The following APP variants were observed in gnomAD, a reference collection of about 807,000 sequenced individuals.
APP encodes amyloid-beta precursor protein.
Under a neutral mutation model 101.4 loss-of-function variants are expected in APP, and 31 were observed. That is an observed-to-expected ratio of 0.31 (90% CI 0.23 to 0.41). The LOEUF is 0.41. Ranked by LOEUF, APP falls within the 10% of genes least tolerant of loss-of-function variation. APP has a pLI of 1.00. For missense variants in APP, 839 were observed against 1,003.7 expected (o/e 0.84, Z 2.22); for synonymous variants, 366 against 364.4 (o/e 1.00, Z -0.05).
intron 6 of APP, among the ~76,000 whole-genome samples, chr21:26,019,942 C>T (rs946121178): frequency 3.9e-5 from 6 of 152,096 alleles, no homozygotes; most frequent in South Asian, 2.1e-4. Flanking sequence ...AAACAAAATG[C>T]GCATTTACTA....
intron 14 of APP, among the ~76,000 whole-genome samples, chr21:25,909,485 A>T (rs1275652083): frequency 6.6e-6 from 1 of 152,172 alleles, no homozygotes. Flanking sequence ...AGACCTAGGC[A>T]ATGTAATAGC....
rs2146189858 is a variant in APP, at chr21:25,880,928, G to A, written c.*742C>T. On this transcript the variant is annotated 3_prime_UTR_variant, in exon 18 of 18. Coordinates refer to ENST00000346798, the MANE Select transcript of APP (RefSeq NM_000484.4). Reference sequence around the variant, plus strand: ...AATTCTTGGTAATTGAAGACCAGCAGAGCACCCCTCCCCACCCGCCCCGTA... The same window carrying A: ...AATTCTTGGTAATTGAAGACCAGCAAAGCACCCCTCCCCACCCGCCCCGTA... 1 of 152,762 alleles carries A rather than the reference G, an allele frequency of 6.5e-6. No homozygotes were observed. The highest frequency in any genetic ancestry group is 3.4e-3 in the Middle Eastern group (1 of 292). The allele number at this position is 152,762 out of a possible 1,614,324, so 9.5% of individuals were successfully genotyped here. A position where few individuals can be genotyped will look rare whatever the true frequency, so the allele number is the denominator to read the frequency against.
intron 13 of APP, chr21:25,933,692 T>TG (rs1168360164): frequency 5.3e-5 from 8 of 152,212 alleles, no homozygotes; most frequent in African/African-American, 1.9e-4. Context: ...TAATTAACCC[T>TG]GGCTAATTAA....
rs765122111 is a variant in APP at position 26,026,338 on chromosome 21, G to GT, written c.663-4297dup. Among the ~76,000 whole-genome samples the GT allele has an allele frequency of 5.5e-4, 83 of 152,238 alleles. No homozygotes were observed. The Middle Eastern group carries it at 0.014, about 25-fold the overall frequency. The stretch of plus-strand genomic sequence containing the variant: ...TCTGAAAATGCTGACCATCCCCAGA[G>GT]TATCTGAATTTAATAAGGTCAAAGG... On this transcript the variant is annotated intron_variant, in intron 5 of 17. Transcript: ENST00000346798.
chr21:26,001,119 A>T (rs936050943), intron 6 of APP, among the ~76,000 whole-genome samples: 16 of 152,210 alleles, frequency 1.1e-4, no homozygotes, highest in Non-Finnish European at 1.8e-4. Context: ...CCAAACAATA[A>T]AACGCAGTCA....
At chr21:25,966,409 A>C (rs2041799061) in intron 11 of APP, among the ~76,000 whole-genome samples, 1 of 152,208 alleles carries the variant, frequency 6.6e-6, no homozygotes, top group African/African-American at 2.4e-5. Context: ...TAAATAATAA[A>C]TATGTAAGTA....
chr21:26,112,173 T>C (rs1377599463), intron 1 of APP, 27 bp from the exon 2 acceptor site: 5 of 1,611,692 alleles, frequency 3.1e-6, no homozygotes, highest in Admixed American at 3.3e-5. Flanking sequence ...CAGTTAGTTA[T>C]AGTATCCATA....
At chr21:26,062,934 T>C (rs2046329030) in intron 3 of APP, among the ~76,000 whole-genome samples, 1 of 152,014 alleles carries the variant, frequency 6.6e-6, no homozygotes, top group African/African-American at 2.4e-5. Flanking sequence ...AGCAATTTTT[T>C]TGTATTTTTA....
At chr21:26,082,156 T>C (rs2061611602) in intron 3 of APP, among the ~76,000 whole-genome samples, 1 of 151,926 alleles carries the variant, frequency 6.6e-6, no homozygotes, top group African/African-American at 2.4e-5. Context: ...GAAGTGGAGG[T>C]TGCAGTGAGC....
At chr21:26,106,892 T>C (rs1014211503) in intron 2 of APP, among the ~76,000 whole-genome samples, 14 of 152,202 alleles carry the variant, frequency 9.2e-5, no homozygotes, top group African/African-American at 3.1e-4. Flanking sequence ...CTTCTCCCCA[T>C]GCTATTCCAC....
chr21:25,912,002 A>G, intron 13 of APP, 40 bp from the exon 14 acceptor site: 2 of 1,490,848 alleles, frequency 1.3e-6, no homozygotes, highest in Non-Finnish European at 1.9e-6. Context: ...AGTAACAACA[A>G]TCACAACAGC....
chr21:25,954,625 A>G lies in APP; in HGVS notation c.1652T>C (p.Val551Ala). 2 of 1,614,168 alleles carry G rather than the reference A, an allele frequency of 1.2e-6. No homozygotes were observed. The highest frequency in any genetic ancestry group is 1.7e-6 in the Non-Finnish European group (2 of 1,179,998). Reference sequence around the variant, plus strand: ...CTGAATCTCCTCGGCCACTGCAGGCACGTTGTAGAGCAGGGAGAGAGACTG... The same window carrying G: ...CTGAATCTCCTCGGCCACTGCAGGCGCGTTGTAGAGCAGGGAGAGAGACTG... ...MNQSLSLLYNVPAVAEEIQDE... is the reference protein window; with the variant it reads ...MNQSLSLLYNAPAVAEEIQDE... The change falls in exon 13 of 18, where the codon GTG becomes GCG. Residue 551 changes from valine (V) to alanine (A), a missense_variant. Val to Ala is a moderately conservative substitution (Grantham distance 64). Transcript: ENST00000346798.
At chr21:26,087,278 A>G (rs1168671822) in intron 3 of APP, among the ~76,000 whole-genome samples, 3 of 152,234 alleles carry the variant, frequency 2.0e-5, no homozygotes, top group African/African-American at 7.2e-5. Flanking sequence ...TCTACTTGTC[A>G]TATTAGGGTC....
intron 15 of APP, among the ~76,000 whole-genome samples, chr21:25,902,169 G>A (rs1265218559): frequency 2.0e-5 from 3 of 152,064 alleles, no homozygotes; most frequent in Non-Finnish European, 4.4e-5. Context: ...AGCACTGGGT[G>A]GGGGAAAAAC....
chr21:26,056,211 C>T (rs28735376), intron 3 of APP, among the ~76,000 whole-genome samples: 12,317 of 152,046 alleles, frequency 0.081, 662 homozygotes, highest in African/African-American at 0.15. Flanking sequence ...CTAATTATTT[C>T]ACTTTTTGCA....
intron 16 of APP, among the ~76,000 whole-genome samples, chr21:25,893,222 C>A (rs1339449732): frequency 1.3e-5 from 2 of 152,092 alleles, no homozygotes; most frequent in Non-Finnish European, 2.9e-5. Flanking sequence ...TGTCTGCCCC[C>A]CAAACTGGCC....
chr21:25,891,628 AAAGAGATAC>A (rs756556593), intron 17 of APP, 85 bp downstream of exon 17: 13 of 1,290,010 alleles, frequency 1.0e-5, no homozygotes, highest in Non-Finnish European at 1.5e-5. Context: ...TCGTTTTTTA[AAAGAGATAC>A]TTAGCTAGTT....
In APP at chr21:26,054,778, G is replaced by A. The variant is rs563171950; in HGVS notation, c.356-1430C>T. Among the ~76,000 whole-genome samples, 13 of 151,946 alleles carry A rather than the reference G, an allele frequency of 8.6e-5. No individual in the cohort carries two copies. The East Asian group carries it at 1.4e-3, about 16-fold the overall frequency. On this transcript the variant is annotated intron_variant, in intron 3 of 17. Transcript: ENST00000346798. Reference sequence around the variant, plus strand: ...ATAGACATAAACCCACAACTCCCACGGAGCAAGGAATACAGATCGTCCACA... The same window carrying A: ...ATAGACATAAACCCACAACTCCCACAGAGCAAGGAATACAGATCGTCCACA...
chr21:25,991,800 C>G (rs1040106237), intron 8 of APP, among the ~76,000 whole-genome samples: 1 of 152,224 alleles, frequency 6.6e-6, no homozygotes, highest in Non-Finnish European at 1.5e-5. Context: ...ACTGCATGAT[C>G]TACAAAGCCT....
Sources: allele counts gnomAD v4.1 joint callset (sites outside exome capture counted in the v4.1 genomes callset), GRCh38; gene constraint gnomAD v4.1.1; transcripts MANE v1.5; gene names NCBI Gene and HGNC (gene_info 2026-07-23, HGNC 2026-07-21).